CEP85L: variants seen among roughly 807,000 people sequenced by gnomAD.
The protein encoded by CEP85L is centrosomal protein of 85 kDa-like.
In CEP85L, 60 loss-of-function variants were observed where a neutral mutation model predicts 100.3. That is an observed-to-expected ratio of 0.60 (90% CI 0.49 to 0.74). CEP85L has a LOEUF of 0.74. CEP85L is among the 30% of genes least tolerant of loss of function. The probability of loss-of-function intolerance (pLI) is 0.00; values close to 1 mark genes in which losing one functional copy is unlikely to be tolerated. For synonymous variants in CEP85L, 319 were observed against 322.7 expected, an observed-to-expected ratio of 0.99 and a Z score of 0.12; for missense variants, 973 against 936.2, an observed-to-expected ratio of 1.04 and a Z score of -0.51.
intron 4 of CEP85L, among the ~76,000 whole-genome samples, chr6:118,515,133 T>C (rs568616680): frequency 2.1e-4 from 32 of 152,206 alleles, no homozygotes; most frequent in African/African-American, 7.2e-4. Context: ...GAGCAGAGAA[T>C]ATTGCCAGGG....
At chr6:118,703,526 A>G (rs1457017336) in intron 1 of CEP85L, among the ~76,000 whole-genome samples, 2 of 152,256 alleles carry the variant, frequency 1.3e-5, no homozygotes, top group South Asian at 2.1e-4. Context: ...TCAAAGAGGA[A>G]TAACTTAAAA....
chr6:118,570,393 T>C (rs955052531), intron 2 of CEP85L, among the ~76,000 whole-genome samples: 4 of 152,190 alleles, frequency 2.6e-5, no homozygotes, highest in Non-Finnish European at 4.4e-5. Flanking sequence ...AAGACCCAGT[T>C]TGGCTGCTTC....
At chr6:118,558,178 T>C (rs1375212081) in intron 3 of CEP85L, among the ~76,000 whole-genome samples, 3 of 152,172 alleles carry the variant, frequency 2.0e-5, no homozygotes, top group Non-Finnish European at 2.9e-5. Context: ...CTCAAACTCC[T>C]GACCTCAGGG....
At chr6:118,544,765 C>A (rs1562246676) in intron 3 of CEP85L, among the ~76,000 whole-genome samples, 1 of 152,142 alleles carries the variant, frequency 6.6e-6, no homozygotes, top group African/African-American at 2.4e-5. Flanking sequence ...CCAAATGACC[C>A]CTAAGCTTTA....
intron 2 of CEP85L, among the ~76,000 whole-genome samples, chr6:118,588,033 A>G (rs1444456814): frequency 6.6e-6 from 1 of 152,250 alleles, no homozygotes; most frequent in African/African-American, 2.4e-5. Context: ...AACTTGTACT[A>G]TAGCTGCAGT....
At chr6:118,606,809 A>G in intron 2 of CEP85L, among the ~76,000 whole-genome samples, 1 of 152,236 alleles carries the variant, frequency 6.6e-6, no homozygotes. Flanking sequence ...TCATAGCACA[A>G]AATACACCAG....
chr6:118,605,050 T>G (rs1189278669), intron 2 of CEP85L, among the ~76,000 whole-genome samples: 1 of 152,128 alleles, frequency 6.6e-6, no homozygotes, highest in Non-Finnish European at 1.5e-5. Context: ...CGTGTAAGAT[T>G]TTTCATTGCC....
At chr6:118,709,532 C>CGTGTGTGTGTGTGTGTGTGTGT (rs1209782027) in intron 1 of CEP85L, among the ~76,000 whole-genome samples, 2,318 of 86,900 alleles carry the variant, frequency 0.027, 42 homozygotes, top group Non-Finnish European at 0.028. Context: ...CAACAATTGG[C>CGTGTGTGTGTGTGTGTGTGTGT]GTGTGTGTGT....
At chr6:118,684,838 G>C (rs568506599) in intron 1 of CEP85L, among the ~76,000 whole-genome samples, 2 of 152,026 alleles carry the variant, frequency 1.3e-5, no homozygotes, top group Non-Finnish European at 2.9e-5. Flanking sequence ...TTTTTTTAGA[G>C]ACAAGATCTC....
chr6:118,639,563 C>T (rs1224294714), intron 1 of CEP85L, among the ~76,000 whole-genome samples: 1 of 152,164 alleles, frequency 6.6e-6, no homozygotes, highest in Non-Finnish European at 1.5e-5. Flanking sequence ...TTCTGTCTTC[C>T]CTGATTCCTC....
At chr6:118,678,004 C>T (rs916223747) in intron 1 of CEP85L, among the ~76,000 whole-genome samples, 1 of 152,190 alleles carries the variant, frequency 6.6e-6, no homozygotes, top group Non-Finnish European at 1.5e-5. Context: ...TAAAAGCCTT[C>T]CCTGGCTTTA....
intron 10 of CEP85L, among the ~76,000 whole-genome samples, chr6:118,475,079 T>G (rs1317990411): frequency 6.6e-6 from 1 of 152,216 alleles, no homozygotes; most frequent in Non-Finnish European, 1.5e-5. Flanking sequence ...GCCTAACAGC[T>G]GGATATGGTC....
At chr6:118,572,434 T>C (rs373435879) in intron 2 of CEP85L, among the ~76,000 whole-genome samples, 20 of 151,962 alleles carry the variant, frequency 1.3e-4, no homozygotes, top group East Asian at 7.8e-4. Context: ...TAGCAGGGTG[T>C]CCTGGTGGGC....
intron 3 of CEP85L, among the ~76,000 whole-genome samples, chr6:118,562,265 G>A (rs1243637410): frequency 1.3e-5 from 2 of 151,912 alleles, no homozygotes; most frequent in South Asian, 4.1e-4. Flanking sequence ...GGACGTAACA[G>A]AATACTTTAA....
At chr6:118,630,307 C>T (rs975070225) in intron 2 of CEP85L, among the ~76,000 whole-genome samples, 1 of 152,210 alleles carries the variant, frequency 6.6e-6, no homozygotes, top group African/African-American at 2.4e-5. Context: ...CTGGACCCCA[C>T]TCTGCCTGGA....
chr6:118,505,544 A>C (rs1420574172), intron 5 of CEP85L, among the ~76,000 whole-genome samples: 1 of 152,082 alleles, frequency 6.6e-6, no homozygotes, highest in Non-Finnish European at 1.5e-5. Context: ...AACATTATTC[A>C]GTAATAAAGA....
At chr6:118,613,496 C>T (rs942221186) in intron 2 of CEP85L, among the ~76,000 whole-genome samples, 2 of 152,090 alleles carry the variant, frequency 1.3e-5, no homozygotes, top group Non-Finnish European at 2.9e-5. Context: ...GTGGCTCACG[C>T]CTGTAATCCT....
chr6:118,611,370 A>G (rs1287775493), intron 2 of CEP85L, among the ~76,000 whole-genome samples: 1 of 152,184 alleles, frequency 6.6e-6, no homozygotes, highest in Non-Finnish European at 1.5e-5. Flanking sequence ...CAACTACTAG[A>G]AGAACTATAC....
chr6:118,577,744 C>T (rs879329907), intron 2 of CEP85L, among the ~76,000 whole-genome samples: 5 of 152,084 alleles, frequency 3.3e-5, no homozygotes, highest in African/African-American at 1.2e-4. Flanking sequence ...AGCCTTAACA[C>T]CCTAGCAAAT....
Sources: gnomAD v4.1 joint callset for allele counts (sites outside exome capture counted in the v4.1 genomes callset) on GRCh38, gnomAD v4.1.1 for gene constraint, MANE v1.5 for transcripts, NCBI Gene and HGNC (gene_info 2026-07-23, HGNC 2026-07-21) for gene names.